TTC1: variants seen among roughly 807,000 people sequenced by gnomAD.
TTC1 encodes tetratricopeptide repeat protein 1.
In TTC1, 31 loss-of-function variants were observed where a neutral mutation model predicts 37.6. The ratio of observed to expected loss-of-function variants is 0.82; its 90% CI spans 0.62 to 1.11. The LOEUF is 1.11. TTC1 is among the 50% of genes most tolerant of loss of function. The pLI, the probability that TTC1 is intolerant of heterozygous loss-of-function variation, is 0.00. For synonymous variants in TTC1, 127 were observed against 122.4 expected (o/e 1.04, Z -0.25); for missense variants, 351 against 339.0 (o/e 1.04, Z -0.28).
Position 160,036,712 on chromosome 5 carries a change from C to T in TTC1, c.413C>T (p.Ser138Phe), listed in dbSNP as rs144395879. Residue 138 changes from serine (S) to phenylalanine (F), a missense_variant, in exon 4 of 8, where the codon TCT becomes TTT. Transcript: ENST00000231238. ...KKGDYIEAES[S>F]YSRALEMCPS... The stretch of plus-strand genomic sequence containing the variant: ...TCAGATTATATAGAAGCTGAAAGTT[C>T]TTATAGTCGAGCCCTCGAAATGTGC... 2.6e-4 allele frequency: 416 copies of T among 1,613,568 alleles called. 3 individuals carry two copies. In the African/African-American group the frequency reaches 4.8e-3, roughly 19 times the overall value.
At chr5:160,042,729 T>G (rs1231718350) in intron 4 of TTC1, among the ~76,000 whole-genome samples, 1 of 152,246 alleles carries the variant, frequency 6.6e-6, no homozygotes, top group Non-Finnish European at 1.5e-5. Flanking sequence ...TTCTGAAATA[T>G]ACCACTTTGG....
intron 5 of TTC1, among the ~76,000 whole-genome samples, chr5:160,046,567 A>C (rs1461687305): frequency 6.6e-6 from 1 of 152,142 alleles, no homozygotes; most frequent in African/African-American, 2.4e-5. Flanking sequence ...AAATTAGCAC[A>C]ATGTAGCCAT....
At chr5:160,023,724 C>G in intron 2 of TTC1, 2 of 1,606,474 alleles carry the variant, frequency 1.2e-6, no homozygotes, top group East Asian at 2.2e-5. Flanking sequence ...CTTTCCACTC[C>G]TATGTGCTTC....
At chr5:160,022,229 GTTTATGTTGTA>G (rs912942472) in intron 2 of TTC1, among the ~76,000 whole-genome samples, 12 of 152,240 alleles carry the variant, frequency 7.9e-5, no homozygotes, top group African/African-American at 2.6e-4. Flanking sequence ...AGTCAAGTGT[GTTTATGTTGTA>G]TTCACTGACC....
At chr5:160,022,145 AT>A (rs1756721618) in intron 2 of TTC1, among the ~76,000 whole-genome samples, 4 of 152,282 alleles carry the variant, frequency 2.6e-5, no homozygotes, top group Admixed American at 2.6e-4. Flanking sequence ...ATATGAGATT[AT>A]TTTTTAAATG....
chr5:160,062,956 G>A (rs1364996178), intron 7 of TTC1, among the ~76,000 whole-genome samples: 4 of 152,148 alleles, frequency 2.6e-5, no homozygotes, highest in African/African-American at 4.8e-5. Flanking sequence ...CCATGTGCCC[G>A]AGGCTGTGCC....
chr5:160,041,274 AT>A (rs1057434688), intron 4 of TTC1, among the ~76,000 whole-genome samples: 1 of 150,778 alleles, frequency 6.6e-6, no homozygotes, highest in Non-Finnish European at 1.5e-5. Flanking sequence ...AATAACAGCC[AT>A]TTATTATCAA....
intron 2 of TTC1, among the ~76,000 whole-genome samples, chr5:160,025,280 G>A (rs1259660199): frequency 6.6e-6 from 1 of 152,160 alleles, no homozygotes; most frequent in Non-Finnish European, 1.5e-5. Context: ...CACCTGCCTT[G>A]GCCTCCCAAA....
intron 2 of TTC1, among the ~76,000 whole-genome samples, chr5:160,028,084 G>A (rs1756837430): frequency 6.6e-6 from 1 of 152,082 alleles, no homozygotes; most frequent in African/African-American, 2.4e-5. Context: ...TGGATCACGA[G>A]GTCAGGAGAT....
Position 160,035,208 on chromosome 5 carries a change from G to T in TTC1, c.391+8G>T, listed in dbSNP as rs775354256. On this transcript the variant is annotated splice_region_variant and intron_variant, in intron 3 of 7. Transcript: ENST00000231238. ...AACAGTTTAAGAAAGGAGGTAAGAC[G>T]ACTTTCAGCACTGATAATCTGGTCA... 1.9e-6 allele frequency: 3 copies of T among 1,599,602 alleles called. No homozygotes were observed. The highest frequency in any genetic ancestry group is 1.1e-5 in the South Asian group (1 of 87,986).
At chr5:160,036,541 T>A in intron 3 of TTC1, 150 bp from the exon 4 acceptor site, 2 of 587,742 alleles carry the variant, frequency 3.4e-6, no homozygotes, top group Non-Finnish European at 6.0e-6. Flanking sequence ...AGAAATGATT[T>A]TTACTGCGCC....
At chr5:160,049,371 A>G (rs1292731573) in intron 5 of TTC1, 143 bp from the exon 6 acceptor site, 7 of 695,666 alleles carry the variant, frequency 1.0e-5, no homozygotes, top group Non-Finnish European at 1.5e-5. Context: ...TTATAGAAAA[A>G]GTTTTCCAGC....
chr5:160,041,371 C>T (rs951789403), intron 4 of TTC1, among the ~76,000 whole-genome samples: 3 of 146,076 alleles, frequency 2.1e-5, no homozygotes, highest in Admixed American at 1.4e-4. Flanking sequence ...AGTACAATGG[C>T]GCTGTCTCAG....
intron 7 of TTC1, 145 bp downstream of exon 7, chr5:160,051,328 A>C (rs1026540063): frequency 1.5e-5 from 9 of 599,830 alleles, no homozygotes; most frequent in Admixed American, 5.6e-5. Flanking sequence ...TTGACCCCAG[A>C]AGGGGCAGCG....
chr5:160,053,655 T>G (rs750665939), intron 7 of TTC1, among the ~76,000 whole-genome samples: 1 of 152,184 alleles, frequency 6.6e-6, no homozygotes, highest in Non-Finnish European at 1.5e-5. Context: ...GCTTTCAGAG[T>G]CTTTTGTGGT....
At chr5:160,028,204 CAGG>C (rs1384673465) in intron 2 of TTC1, among the ~76,000 whole-genome samples, 1 of 149,064 alleles carries the variant, frequency 6.7e-6, no homozygotes, top group Non-Finnish European at 1.5e-5. Context: ...GAGGCTGAGG[CAGG>C]AGAATGGCGT....
intron 4 of TTC1, among the ~76,000 whole-genome samples, chr5:160,041,577 T>C (rs563019081): frequency 2.6e-4 from 40 of 152,046 alleles, no homozygotes; most frequent in African/African-American, 8.7e-4. Flanking sequence ...CCTCCCAAAG[T>C]GCTGAGATTA....
Position 160,033,794 on chromosome 5 carries a change from C to T in TTC1, c.331-1346C>T, listed in dbSNP as rs112919151. Among the ~76,000 whole-genome samples, 1,453 of 152,340 alleles carry T rather than the reference C, an allele frequency of 9.5e-3. 23 individuals are homozygous for T. The highest frequency in any genetic ancestry group is 0.033 in the African/African-American group (1,366 of 41,576). On this transcript the variant is annotated intron_variant, in intron 2 of 7. Transcript: ENST00000231238. The stretch of plus-strand genomic sequence containing the variant: ...CCGTGGGGATATTTGGGTAGGAACA[C>T]AGATCATATCAGTTCCTCATGTTAA...
chr5:160,065,229 G>A lies in TTC1; in HGVS notation c.*164G>A, dbSNP rs1753570285. On this transcript the variant is annotated 3_prime_UTR_variant, in exon 8 of 8. Coordinates refer to ENST00000231238, the MANE Select transcript of TTC1 (RefSeq NM_003314.3). ...CTTGTCCCTCTTTTATGATCAGGGT[G>A]AAATGTACTTCCTGATGTAATGAAC... 3.1e-6 allele frequency: 3 copies of A among 971,704 alleles called. No homozygotes were observed. The highest frequency in any genetic ancestry group is 2.8e-5 in the South Asian group (2 of 71,582). The allele number at this position is 971,704 out of a possible 1,614,324, so 60.2% of individuals were successfully genotyped here.
Sources: gnomAD v4.1 joint callset for allele counts (sites outside exome capture counted in the v4.1 genomes callset) on GRCh38, gnomAD v4.1.1 for gene constraint, MANE v1.5 for transcripts, NCBI Gene and HGNC (gene_info 2026-07-23, HGNC 2026-07-21) for gene names.